The following DAGLB variants were observed in gnomAD, a reference collection of about 807,000 sequenced individuals.
DAGLB encodes the protein diacylglycerol lipase-beta.
DAGLB carries 66 observed loss-of-function variants against 72.1 expected under a neutral mutation model. The ratio of observed to expected loss-of-function variants is 0.92; its 90% confidence interval spans 0.75 to 1.12. The LOEUF is 1.12. Among genes scored for constraint, DAGLB ranks in the 50% most tolerant of loss-of-function variants. The probability of loss-of-function intolerance (pLI) is 0.00; values close to 1 mark genes in which losing one functional copy is unlikely to be tolerated. For missense variants in DAGLB, 1,065 were observed against 884.9 expected, an observed-to-expected ratio of 1.20 and a Z score of -2.58; for synonymous variants, 414 against 359.5, an observed-to-expected ratio of 1.15 and a Z score of -1.71.
Position 6,410,122 on chromosome 7 carries a change from G to A in DAGLB, c.1820+8C>T, listed in dbSNP as rs368426784. 8.5e-5 allele frequency: 134 copies of A among 1,574,012 alleles called. 1 individual carries two copies. The Admixed American group carries it at 8.7e-4, about 10-fold the overall frequency. On this transcript the variant is annotated splice_region_variant and intron_variant, in intron 14 of 14. Coordinates refer to ENST00000297056, the MANE Select transcript of DAGLB (RefSeq NM_139179.4). ...GCCTGCCCACCACACCCACCACGCCGCACTCACCGCCCCGAGGCGCCCTCC... is the reference window on the plus strand; with the variant it reads ...GCCTGCCCACCACACCCACCACGCCACACTCACCGCCCCGAGGCGCCCTCC...
intron 6 of DAGLB, among the ~76,000 whole-genome samples, chr7:6,429,253 C>G (rs1483627262): frequency 6.6e-6 from 1 of 151,924 alleles, no homozygotes; most frequent in Non-Finnish European, 1.5e-5. Flanking sequence ...ACCATTCCCG[C>G]CAAAAATGCA....
intron 2 of DAGLB, among the ~76,000 whole-genome samples, chr7:6,442,212 T>C (rs1415052750): frequency 6.6e-6 from 1 of 152,064 alleles, no homozygotes; most frequent in Non-Finnish European, 1.5e-5. Flanking sequence ...ACTTGGTATG[T>C]GTGGGATGGG....
intron 2 of DAGLB, among the ~76,000 whole-genome samples, chr7:6,445,207 G>C (rs780517268): frequency 2.6e-5 from 4 of 152,198 alleles, no homozygotes; most frequent in Admixed American, 6.6e-5. Context: ...TTCGTAATAG[G>C]TGAAAAATGG....
intron 2 of DAGLB, among the ~76,000 whole-genome samples, chr7:6,437,216 G>A (rs1225857043): frequency 1.3e-5 from 2 of 150,976 alleles, no homozygotes; most frequent in Admixed American, 6.6e-5. Flanking sequence ...TGAGACAACA[G>A]GCACAAAACA....
At chr7:6,446,624 G>A (rs1165139767) in intron 1 of DAGLB, among the ~76,000 whole-genome samples, 3 of 151,736 alleles carry the variant, frequency 2.0e-5, no homozygotes, top group African/African-American at 4.8e-5. Flanking sequence ...TTGAACTCCT[G>A]GCTTCAAGTG....
rs1322385327 is a variant in DAGLB, at chr7:6,409,618, C to T, written c.*219G>A. On this transcript the variant is annotated 3_prime_UTR_variant, in exon 15 of 15. Coordinates refer to ENST00000297056, the MANE Select transcript of DAGLB (RefSeq NM_139179.4). ...TCCACGGTCGCTGGGTCTCAGGAGT[C>T]GTCCTATCACCTGAGCGTGCTCACT... 9.9e-6 allele frequency: 6 copies of T among 603,738 alleles called. No homozygotes were observed. Among genetic ancestry groups the T allele is most frequent in the Admixed American group, 6.2e-5 (2 of 32,018 alleles). The allele number at this position is 603,738 out of a possible 1,614,324, so 37.4% of individuals were successfully genotyped here. A position where few individuals can be genotyped will look rare whatever the true frequency, so the allele number is the denominator to read the frequency against.
chr7:6,412,505 G>T, intron 13 of DAGLB: 1 of 359,158 alleles, frequency 2.8e-6, no homozygotes, highest in East Asian at 4.5e-5. Flanking sequence ...TTGTTGTGTT[G>T]CCCAGGTTGG....
chr7:6,410,388 C>T lies in DAGLB; in HGVS notation c.1570-8G>A, dbSNP rs546940753. ...GTGCAGCAAGATCTTGTACTGAGGG[C>T]GAGACCCAATCAGTAGAATGCTGTC... On this transcript the variant is annotated splice_region_variant and splice_polypyrimidine_tract_variant and intron_variant, in intron 13 of 14. Coordinates refer to ENST00000297056, the MANE Select transcript of DAGLB (RefSeq NM_139179.4). The T allele has an allele frequency of 1.9e-6, 3 of 1,600,878 alleles. No individual in the cohort carries two copies. The highest frequency in any genetic ancestry group is 2.6e-6 in the Non-Finnish European group (3 of 1,171,914).
In DAGLB at chr7:6,435,067, C is replaced by T. The variant is rs754406232; in HGVS notation, c.420-47G>A. 4 of 1,596,836 alleles carry T rather than the reference C, an allele frequency of 2.5e-6. No individual in the cohort carries two copies. In the South Asian group the frequency reaches 4.4e-5, roughly 18 times the overall value. On this transcript the variant is annotated intron_variant, in intron 3 of 14. Coordinates refer to ENST00000297056, the MANE Select transcript of DAGLB (RefSeq NM_139179.4). Reference sequence around the variant, plus strand: ...AGGCTCGGTGACTGCGGGCCCCAGCCCAGACGCAGATGTCCGGGGTCCCTC... The same window carrying T: ...AGGCTCGGTGACTGCGGGCCCCAGCTCAGACGCAGATGTCCGGGGTCCCTC...
In DAGLB at chr7:6,416,774, A is replaced by C; in HGVS notation, c.1300-20T>G. On this transcript the variant is annotated intron_variant, in intron 10 of 14. Transcript: ENST00000297056. ...GTACTCCTAGAGGACAGACAGCAGA[A>C]TGAGGTGAAGGGTAAAAACAACAGC... is the stretch of plus-strand genomic sequence containing the variant. 6.2e-7 allele frequency: 1 copy of C among 1,614,026 alleles called. No homozygotes were observed. The highest frequency in any genetic ancestry group is 8.5e-7 in the Non-Finnish European group (1 of 1,179,902).
At chr7:6,435,296 G>T in intron 3 of DAGLB, 1 of 373,708 alleles carries the variant, frequency 2.7e-6, no homozygotes, top group African/African-American at 2.0e-5. Flanking sequence ...GACCAGCCTG[G>T]CCAACATAGT....
At chr7:6,415,737 C>A (rs985173494) in intron 11 of DAGLB, among the ~76,000 whole-genome samples, 2 of 150,452 alleles carry the variant, frequency 1.3e-5, no homozygotes, top group African/African-American at 4.9e-5. Context: ...CCCAGCTACT[C>A]GGGAGGCTGA....
At chr7:6,429,479 G>A (rs1002590713) in intron 6 of DAGLB, among the ~76,000 whole-genome samples, 7 of 151,724 alleles carry the variant, frequency 4.6e-5, no homozygotes, top group African/African-American at 1.7e-4. Flanking sequence ...GTATTACTGG[G>A]GCTGGGCACA....
chr7:6,444,677 G>A (rs747875152), intron 2 of DAGLB, among the ~76,000 whole-genome samples: 2 of 152,130 alleles, frequency 1.3e-5, no homozygotes, highest in Non-Finnish European at 2.9e-5. Flanking sequence ...AGACATTTCC[G>A]CAAAAATGAT....
chr7:6,412,424 G>A (rs936678157), intron 13 of DAGLB, among the ~76,000 whole-genome samples: 7 of 151,760 alleles, frequency 4.6e-5, no homozygotes, highest in African/African-American at 1.7e-4. Flanking sequence ...AAGTTTGTCA[G>A]AAAGCAAAAT....
At position 6,410,315 on chromosome 7, in the gene DAGLB, C is replaced by T. The variant is rs761190024; in HGVS notation, c.1635G>A (p.Thr545=). 4.1e-5 allele frequency: 66 copies of T among 1,613,998 alleles called. 1 individual carries two copies. In the East Asian group the frequency reaches 5.3e-4, roughly 13 times the overall value. Residue 545 remains threonine, a synonymous_variant, in exon 14 of 15, where the codon ACG becomes ACA. Coordinates refer to ENST00000297056, the MANE Select transcript of DAGLB (RefSeq NM_139179.4). ...LFGGNPNNLP[T]ELDGGDQEVL... ...CTTCCTGGTCGCCCCCGTCCAGCTC[C>T]GTGGGCAAGTTGTTGGGGTTTCCTC... is the stretch of plus-strand genomic sequence containing the variant.
Position 6,424,845 on chromosome 7 carries a change from C to G in DAGLB, c.1057-10G>C. On this transcript the variant is annotated splice_polypyrimidine_tract_variant and intron_variant, in intron 7 of 14. Coordinates refer to ENST00000297056, the MANE Select transcript of DAGLB (RefSeq NM_139179.4). ...ACGGCAGCTCGTAAACCTGCAGGAG[C>G]AAGAAACAAGCATGGGGCCTAAACA... 6.2e-7 allele frequency: 1 copy of G among 1,613,284 alleles called. No homozygotes were observed. Among genetic ancestry groups the G allele is most frequent in the South Asian group, 1.1e-5 (1 of 91,074 alleles).
At chr7:6,432,222 T>C (rs1478976097) in intron 5 of DAGLB, among the ~76,000 whole-genome samples, 1 of 151,876 alleles carries the variant, frequency 6.6e-6, no homozygotes, top group Non-Finnish European at 1.5e-5. Context: ...TGTGATGGTA[T>C]GCGCCTGTAA....
chr7:6,422,303 G>A (rs1179587559), intron 8 of DAGLB: 1 of 278,128 alleles, frequency 3.6e-6, no homozygotes, highest in Non-Finnish European at 7.3e-6. Flanking sequence ...CGAAGGAAGA[G>A]GTTGTTGTGA....
Sources: gnomAD v4.1 joint callset for allele counts (sites outside exome capture counted in the v4.1 genomes callset) on GRCh38, gnomAD v4.1.1 for gene constraint, MANE v1.5 for transcripts, NCBI Gene and HGNC (gene_info 2026-07-23, HGNC 2026-07-21) for gene names.